The following UHMK1 variants were observed in gnomAD, a reference collection of about 807,000 sequenced individuals.
UHMK1 encodes the protein U2AF homology motif kinase 1.
Under a neutral mutation model 44.0 loss-of-function variants are expected in UHMK1, and 18 were observed. The ratio of observed to expected loss-of-function variants is 0.41; its 90% CI spans 0.28 to 0.61. The LOEUF (loss-of-function observed/expected upper bound fraction) is 0.61. Ranked by LOEUF, UHMK1 falls within the 20% of genes least tolerant of loss-of-function variation. UHMK1 has a pLI of 0.31. For missense variants in UHMK1, 463 were observed against 522.5 expected, an observed-to-expected ratio of 0.89 and a Z score of 1.11; for synonymous variants, 231 against 198.5, an observed-to-expected ratio of 1.16 and a Z score of -1.38.
At chr1:162,522,320 A>T in intron 7 of UHMK1, 84 bp from the exon 8 acceptor site, 2 of 1,445,254 alleles carry the variant, frequency 1.4e-6, no homozygotes, top group South Asian at 2.6e-5. Flanking sequence ...TCTCCAGTTG[A>T]TGTATATATA....
Position 162,529,569 on chromosome 1 carries a change from G to A in UHMK1, c.*7019G>A, listed in dbSNP as rs1025300567. 1 of 152,142 alleles carries A rather than the reference G, an allele frequency of 6.6e-6. No homozygotes were observed. The highest frequency in any genetic ancestry group is 2.4e-5 in the African/African-American group (1 of 41,442). The allele number at this position is 152,142 out of a possible 1,614,324, so 9.4% of individuals were successfully genotyped here. The stretch of plus-strand genomic sequence containing the variant: ...TGCACTGTTGATAATGCTTTCTGAT[G>A]TGTGTTTGATAAGAGTGATAAAATA... On this transcript the variant is annotated 3_prime_UTR_variant, in exon 8 of 8. Transcript: ENST00000489294.
At chr1:162,517,862 G>A (rs771142091) in intron 6 of UHMK1, among the ~76,000 whole-genome samples, 2 of 151,942 alleles carry the variant, frequency 1.3e-5, no homozygotes, top group African/African-American at 2.4e-5. Flanking sequence ...GGGGGACAGC[G>A]AGACTCTGTC....
chr1:162,497,976 G>T lies in UHMK1; in HGVS notation c.-25G>T. On this transcript the variant is annotated 5_prime_UTR_variant, in exon 1 of 8. Coordinates refer to ENST00000489294, the MANE Select transcript of UHMK1 (RefSeq NM_175866.5). ...TGCCTCAGGCGTCGCGTCAGCTCCCGTGTCCGTGCCCTTAACCCACACCGA... is the reference window on the plus strand; with the variant it reads ...TGCCTCAGGCGTCGCGTCAGCTCCCTTGTCCGTGCCCTTAACCCACACCGA... The T allele has an allele frequency of 6.7e-7, 1 of 1,487,338 alleles. No homozygotes were observed. The highest frequency in any genetic ancestry group is 8.9e-7 in the Non-Finnish European group (1 of 1,119,110). The allele number at this position is 1,487,338 out of a possible 1,614,324, so 92.1% of individuals were successfully genotyped here.
chr1:162,508,160 G>T (rs1651545148), intron 4 of UHMK1, among the ~76,000 whole-genome samples: 1 of 151,938 alleles, frequency 6.6e-6, no homozygotes, highest in Non-Finnish European at 1.5e-5. Context: ...CTGTCACCCA[G>T]GCTGGAGTGC....
intron 4 of UHMK1, among the ~76,000 whole-genome samples, chr1:162,505,459 G>A (rs1651434176): frequency 1.3e-5 from 2 of 152,216 alleles, no homozygotes. Flanking sequence ...ACACAGCTAT[G>A]TATTGTCATT....
chr1:162,516,460 A>T (rs774481629), intron 6 of UHMK1, among the ~76,000 whole-genome samples: 1 of 152,184 alleles, frequency 6.6e-6, no homozygotes, highest in African/African-American at 2.4e-5. Flanking sequence ...AAAGAAAGGG[A>T]TGAGGGAAGG....
chr1:162,497,611 A>G (rs527744092), upstream of UHMK1, among the ~76,000 whole-genome samples: 2 of 152,198 alleles, frequency 1.3e-5, no homozygotes, highest in Admixed American at 1.3e-4. Context: ...GTGCCTCAAC[A>G]AGAAAAAGGA....
In UHMK1 at chr1:162,523,175, C is replaced by G. The variant is rs559793861; in HGVS notation, c.*625C>G. On this transcript the variant is annotated 3_prime_UTR_variant, in exon 8 of 8. Transcript: ENST00000489294. ...TTAAAATAGAAAGCTGATGCTTGAT[C>G]TTGCACAATTTTTATGTCTAGTATG... is the stretch of plus-strand genomic sequence containing the variant. 6.5e-6 allele frequency: 1 copy of G among 152,712 alleles called. No homozygotes were observed. Among genetic ancestry groups the G allele is most frequent in the South Asian group, 2.1e-4 (1 of 4,820 alleles). The allele number at this position is 152,712 out of a possible 1,614,324, so 9.5% of individuals were successfully genotyped here. A position where few individuals can be genotyped will look rare whatever the true frequency, so the allele number is the denominator to read the frequency against.
rs569286949 is a variant in UHMK1 at position 162,527,750 on chromosome 1, A to G, written c.*5200A>G. 2.0e-5 allele frequency: 3 copies of G among 152,060 alleles called. No homozygotes were observed. Among genetic ancestry groups the G allele is most frequent in the Non-Finnish European group, 4.4e-5 (3 of 67,930 alleles). 9.4% of individuals were successfully genotyped at this position (152,060 alleles called of 1,614,324 possible). Reference sequence around the variant, plus strand: ...TCTTGTGGCCCTTTTGAAGAAAGCCATGTATGTTTTGTTACCTAGGTTCAT... The same window carrying G: ...TCTTGTGGCCCTTTTGAAGAAAGCCGTGTATGTTTTGTTACCTAGGTTCAT... On this transcript the variant is annotated 3_prime_UTR_variant, in exon 8 of 8. Coordinates refer to ENST00000489294, the MANE Select transcript of UHMK1 (RefSeq NM_175866.5).
At chr1:162,504,808 T>TC (rs1557941075) in intron 4 of UHMK1, among the ~76,000 whole-genome samples, 1 of 152,152 alleles carries the variant, frequency 6.6e-6, no homozygotes, top group Non-Finnish European at 1.5e-5. Context: ...AGAGTCACAC[T>TC]CCATCACCCA....
At position 162,512,777 on chromosome 1, in the gene UHMK1, G is replaced by A. The variant is rs765418615; in HGVS notation, c.978G>A (p.Leu326=). 1.1e-5 allele frequency: 17 copies of A among 1,614,008 alleles called. No homozygotes were observed. The highest frequency in any genetic ancestry group is 6.6e-5 in the South Asian group (6 of 91,084). Residue 326 remains leucine, a synonymous_variant, in exon 6 of 8, where the codon CTG becomes CTA. Transcript: ENST00000489294. ...TTCCCACTCCAGTGCTAAGACTGCT[G>A]AATGTGCTGGATGATGATTATCTTG... ...VMLPTPVLRL[L]NVLDDDYLEN...
At position 162,522,829 on chromosome 1, in the gene UHMK1, TA is replaced by T. The variant is rs781735037; in HGVS notation, c.*286del. On this transcript the variant is annotated 3_prime_UTR_variant, in exon 8 of 8. Transcript: ENST00000489294. ...AGGTGTTGCTCTTCAGTATGTAGCC[TA>T]AAAAAATCTTAATTATTTCATGGAT... The T allele has an allele frequency of 5.7e-5, 15 of 261,822 alleles. No individual in the cohort carries two copies. The highest frequency in any genetic ancestry group is 8.8e-5 in the African/African-American group (4 of 45,240). The allele number at this position is 261,822 out of a possible 1,614,324, so 16.2% of individuals were successfully genotyped here. A position where few individuals can be genotyped will look rare whatever the true frequency, so the allele number is the denominator to read the frequency against.
At chr1:162,498,415 C>T (rs1195220920) in intron 1 of UHMK1, 147 bp downstream of exon 1, 2 of 1,026,544 alleles carry the variant, frequency 1.9e-6, no homozygotes, top group Non-Finnish European at 2.7e-6. Flanking sequence ...CCCCTTTCCC[C>T]TTTCACTTTA....
intron 1 of UHMK1, among the ~76,000 whole-genome samples, chr1:162,498,785 T>C (rs1571001633): frequency 6.6e-6 from 1 of 152,254 alleles, no homozygotes; most frequent in Non-Finnish European, 1.5e-5. Context: ...TTTGCTCTCT[T>C]GAGACTGTTT....
Position 162,526,754 on chromosome 1 carries a change from T to C in UHMK1, c.*4204T>C, listed in dbSNP as rs773578577. The C allele has an allele frequency of 3.9e-5, 6 of 152,166 alleles. No individual in the cohort carries two copies. The highest frequency in any genetic ancestry group is 6.5e-5 in the Admixed American group (1 of 15,274). 9.4% of individuals were successfully genotyped at this position (152,166 alleles called of 1,614,324 possible). ...ATGTAAAACTATTCATATTTGATTT[T>C]ATTCCAATATTATATATGATGGAAA... is the stretch of plus-strand genomic sequence containing the variant. On this transcript the variant is annotated 3_prime_UTR_variant, in exon 8 of 8. Coordinates refer to ENST00000489294, the MANE Select transcript of UHMK1 (RefSeq NM_175866.5).
Position 162,500,101 on chromosome 1 carries a change from G to C in UHMK1, c.415G>C (p.Ala139Pro). 6.2e-7 allele frequency: 1 copy of C among 1,614,144 alleles called. No individual in the cohort carries two copies. The highest frequency in any genetic ancestry group is 1.1e-5 in the South Asian group (1 of 91,084). ...GCSMWMIQHC[A>P]RDVLEALAFL... is the part of the protein sequence containing the mutation. Reference sequence around the variant, plus strand: ...TTCCATGTGGATGATACAGCATTGTGCCCGAGATGTTTTGGAGGCCCTTGC... The same window carrying C: ...TTCCATGTGGATGATACAGCATTGTCCCCGAGATGTTTTGGAGGCCCTTGC... The change falls in exon 2 of 8, where the codon GCC becomes CCC. Residue 139 changes from alanine to proline, a missense_variant. Physicochemically the swap from Ala to Pro is conservative, Grantham distance 27. Transcript: ENST00000489294.
chr1:162,504,202 A>C (rs1258112022), intron 4 of UHMK1, among the ~76,000 whole-genome samples: 1 of 152,176 alleles, frequency 6.6e-6, no homozygotes, highest in Non-Finnish European at 1.5e-5. Flanking sequence ...AAGACCCAAA[A>C]ACCATTTCGA....
intron 4 of UHMK1, among the ~76,000 whole-genome samples, chr1:162,504,103 G>A (rs1309041614): frequency 2.6e-5 from 4 of 152,044 alleles, no homozygotes; most frequent in Admixed American, 2.6e-4. Flanking sequence ...TGGCAGTTCT[G>A]GATACTTGAT....
intron 3 of UHMK1, among the ~76,000 whole-genome samples, chr1:162,502,153 G>C (rs1315689708): frequency 2.0e-5 from 3 of 152,050 alleles, no homozygotes; most frequent in Non-Finnish European, 4.4e-5. Flanking sequence ...CAATACCTTT[G>C]AAAACATACT....
Sources: gnomAD v4.1 joint callset for allele counts (sites outside exome capture counted in the v4.1 genomes callset) on GRCh38, gnomAD v4.1.1 for gene constraint, MANE v1.5 for transcripts, NCBI Gene and HGNC (gene_info 2026-07-23, HGNC 2026-07-21) for gene names.